OR2L13: variants seen among roughly 807,000 people sequenced by gnomAD.
The protein encoded by OR2L13 is olfactory receptor 2L13.
A neutral mutation model predicts 15.3 loss-of-function variants in OR2L13; 14 were observed. The ratio of observed to expected loss-of-function variants is 0.91; its 90% CI spans 0.60 to 1.43. OR2L13 has a LOEUF of 1.43. Ranked by LOEUF, OR2L13 falls within the 40% of genes most tolerant of loss-of-function variation. The pLI, the probability that OR2L13 is intolerant of heterozygous loss-of-function variation, is 0.00. For synonymous variants in OR2L13, 152 were observed against 142.9 expected (o/e 1.06, Z -0.45); for missense variants, 367 against 387.9 (o/e 0.95, Z 0.45).
At chr1:248,032,592 C>T in the OR2L13 span, among the ~76,000 whole-genome samples, 1 of 152,166 alleles carries the variant, frequency 6.6e-6, no homozygotes, top group African/African-American at 2.4e-5. Context: ...ACTTCCTGTA[C>T]ATAAATTCAT....
chr1:247,992,023 A>T, the OR2L13 span, among the ~76,000 whole-genome samples: 6 of 149,192 alleles, frequency 4.0e-5, 1 homozygote, highest in East Asian at 1.0e-3. Context: ...AACAACATAG[A>T]TCTGAACTGT....
the OR2L13 span, among the ~76,000 whole-genome samples, chr1:248,065,855 G>C: frequency 6.6e-6 from 1 of 151,820 alleles, no homozygotes; most frequent in African/African-American, 2.4e-5. Flanking sequence ...GAGAAATTTT[G>C]GTTAACATTG....
the OR2L13 span, among the ~76,000 whole-genome samples, chr1:247,962,395 AAGG>A: frequency 2.0e-5 from 3 of 151,408 alleles, no homozygotes; most frequent in Non-Finnish European, 4.4e-5. Context: ...ACTCCAGGAG[AAGG>A]AGAAGGGCTG....
chr1:248,084,670 A>G, the OR2L13 span: 9 of 1,509,336 alleles, frequency 6.0e-6, no homozygotes, highest in African/African-American at 8.4e-5. Flanking sequence ...ATAACGAGCT[A>G]ACTTCCCTCT....
chr1:247,986,177 C>G, the OR2L13 span, among the ~76,000 whole-genome samples: 1 of 143,392 alleles, frequency 7.0e-6, no homozygotes, highest in Non-Finnish European at 1.5e-5. Flanking sequence ...GACATGAAGT[C>G]CTTGCCAATG....
At chr1:248,025,175 G>A in the OR2L13 span, among the ~76,000 whole-genome samples, 2 of 147,244 alleles carry the variant, frequency 1.4e-5, no homozygotes, top group East Asian at 4.0e-4. Context: ...TACAAAATGG[G>A]AGAAAATTTT....
At chr1:248,014,097 ATT>A in the OR2L13 span, among the ~76,000 whole-genome samples, 9 of 151,970 alleles carry the variant, frequency 5.9e-5, no homozygotes, top group Non-Finnish European at 1.3e-4. Flanking sequence ...TTGGTTGGTG[ATT>A]TTTTGGTTTT....
chr1:248,062,588 C>T, the OR2L13 span: 12 of 151,790 alleles, frequency 7.9e-5, no homozygotes, highest in East Asian at 1.9e-4. Context: ...AGGGGAGGGA[C>T]GATAAAGTGG....
At chr1:247,990,629 G>A in the OR2L13 span, 24 of 1,539,700 alleles carry the variant, frequency 1.6e-5, no homozygotes, top group African/African-American at 1.1e-4. Context: ...GCCTATGATC[G>A]TTATGTGGCT....
the OR2L13 span, chr1:248,022,014 G>A: frequency 6.2e-7 from 1 of 1,613,844 alleles, no homozygotes; most frequent in South Asian, 1.1e-5. Context: ...ATCAAAAATT[G>A]GCCTTTTCCT....
At chr1:248,007,577 T>C in the OR2L13 span, among the ~76,000 whole-genome samples, 1 of 152,242 alleles carries the variant, frequency 6.6e-6, no homozygotes, top group South Asian at 2.1e-4. Context: ...TTCCCCTTGG[T>C]GGGGAAGTTA....
At chr1:247,941,569 G>C in the OR2L13 span, among the ~76,000 whole-genome samples, 1 of 152,098 alleles carries the variant, frequency 6.6e-6, no homozygotes, top group Admixed American at 6.6e-5. Context: ...TTTTGGTCTT[G>C]ATTCCTCAAT....
exon 3 of OR2L13, chr1:248,099,882 G>C: frequency 6.2e-7 from 1 of 1,614,076 alleles, no homozygotes. Flanking sequence ...CCTACTGCAG[G>C]TCTAGGGCTA....
the OR2L13 span, among the ~76,000 whole-genome samples, chr1:248,073,586 C>G: frequency 6.6e-6 from 1 of 151,414 alleles, no homozygotes; most frequent in Non-Finnish European, 1.5e-5. Context: ...TGTAACTAAC[C>G]TGCACATTGT....
At chr1:248,093,644 A>G (rs1664651038), upstream of OR2L13, among the ~76,000 whole-genome samples, 1 of 152,200 alleles carries the variant, frequency 6.6e-6, no homozygotes, top group Non-Finnish European at 1.5e-5. Context: ...TCATCTCATC[A>G]TCTCCTAGGA....
the OR2L13 span, among the ~76,000 whole-genome samples, chr1:247,987,775 C>T: frequency 7.9e-5 from 12 of 152,082 alleles, no homozygotes; most frequent in Middle Eastern, 3.4e-3. Context: ...CCTGCTCCCC[C>T]CAGCATCACT....
chr1:247,947,249 A>G, the OR2L13 span, among the ~76,000 whole-genome samples: 1 of 152,246 alleles, frequency 6.6e-6, no homozygotes, highest in East Asian at 1.9e-4. Context: ...TTTGATCACA[A>G]AAAACTATTC....
At chr1:248,094,324 A>G (rs946443652), upstream of OR2L13, among the ~76,000 whole-genome samples, 3 of 152,206 alleles carry the variant, frequency 2.0e-5, no homozygotes, top group African/African-American at 4.8e-5. Flanking sequence ...ATAAAAAAAG[A>G]ACAATATAAC....
the OR2L13 span, among the ~76,000 whole-genome samples, chr1:247,946,164 A>G: frequency 1.3e-5 from 2 of 152,290 alleles, no homozygotes; most frequent in East Asian, 1.9e-4. Flanking sequence ...TTGTTAGTGT[A>G]TAGAAGTACA....
Sources: gnomAD v4.1 joint callset for allele counts (sites outside exome capture counted in the v4.1 genomes callset) on GRCh38, gnomAD v4.1.1 for gene constraint, MANE v1.5 for transcripts, NCBI Gene and HGNC (gene_info 2026-07-23, HGNC 2026-07-21) for gene names.